The following HIP1 variants were observed in gnomAD, a reference collection of about 807,000 sequenced individuals.
The protein encoded by HIP1 is huntingtin interacting protein 1.
A neutral mutation model predicts 147.6 loss-of-function variants in HIP1; 65 were observed. That is an observed-to-expected ratio of 0.44 (90% CI 0.36 to 0.54). The LOEUF is 0.54. Ranked by LOEUF, HIP1 falls within the 20% of genes least tolerant of loss-of-function variation. HIP1 has a pLI of 0.00. For synonymous variants in HIP1, 479 were observed against 504.0 expected, an observed-to-expected ratio of 0.95 and a Z score of 0.67; for missense variants, 1,061 against 1,299.6, an observed-to-expected ratio of 0.82 and a Z score of 2.82.
chr7:75,687,057 G>T (rs1320407536), intron 1 of HIP1, among the ~76,000 whole-genome samples: 1 of 152,070 alleles, frequency 6.6e-6, no homozygotes, highest in Non-Finnish European at 1.5e-5. Flanking sequence ...TGTGGCAGCA[G>T]GATTTTCTGT....
intron 1 of HIP1, among the ~76,000 whole-genome samples, chr7:75,703,215 G>T (rs1554519344): frequency 6.6e-6 from 1 of 152,144 alleles, no homozygotes; most frequent in African/African-American, 2.4e-5. Context: ...AGACATGGTG[G>T]TGCATGCTTG....
At chr7:75,652,935 C>T (rs782634208) in intron 1 of HIP1, among the ~76,000 whole-genome samples, 1 of 152,130 alleles carries the variant, frequency 6.6e-6, no homozygotes, top group Non-Finnish European at 1.5e-5. Context: ...CAAACAGAAG[C>T]TCCCAGCAAA....
chr7:75,573,253 A>G (rs1168002503), intron 8 of HIP1, among the ~76,000 whole-genome samples: 5 of 152,218 alleles, frequency 3.3e-5, no homozygotes, highest in Non-Finnish European at 5.9e-5. Flanking sequence ...AGACCTGCAG[A>G]GATGCTAGGA....
At position 75,676,505 on chromosome 7, in the gene HIP1, G is replaced by A. The variant is rs879991767; in HGVS notation, c.120+62296C>T. ...ATAGAAGCCCCCTATGGCCTGGCGC[G>A]GTGGCTCATGCCTGTAATCCCAGCA... is the stretch of plus-strand genomic sequence containing the variant. On this transcript the variant is annotated intron_variant, in intron 1 of 30. Coordinates refer to ENST00000336926, the MANE Select transcript of HIP1 (RefSeq NM_005338.7). Among the ~76,000 whole-genome samples the A allele has an allele frequency of 3.4e-4, 51 of 151,460 alleles. 1 individual carries two copies. The highest frequency in any genetic ancestry group is 3.3e-3 in the Admixed American group (50 of 15,160).
chr7:75,557,142 G>A lies in HIP1; in HGVS notation c.1582-331C>T, dbSNP rs771588434. 4.6e-5 allele frequency among the ~76,000 whole-genome samples: 7 copies of A among 152,048 alleles called. No homozygotes were observed. The Middle Eastern group carries it at 0.01, about 222-fold the overall frequency. On this transcript the variant is annotated intron_variant, in intron 16 of 30. Coordinates refer to ENST00000336926, the MANE Select transcript of HIP1 (RefSeq NM_005338.7). ...CAACCTCCACCTCCAAGGTTCAAGA[G>A]ATTCTTGTGCCTCAGCCTCCCAAGC...
intron 1 of HIP1, among the ~76,000 whole-genome samples, chr7:75,738,544 G>T (rs543059120): frequency 3.9e-5 from 6 of 152,156 alleles, no homozygotes; most frequent in Admixed American, 2.0e-4. Context: ...GTACCCAGCC[G>T]ATCAGGCTCC....
intron 7 of HIP1, among the ~76,000 whole-genome samples, chr7:75,579,306 G>A (rs1795954946): frequency 6.6e-6 from 1 of 152,066 alleles, no homozygotes; most frequent in African/African-American, 2.4e-5. Flanking sequence ...GTTTCCAGCT[G>A]TTTCTGGTGT....
At chr7:75,636,184 A>C (rs587669895) in intron 1 of HIP1, among the ~76,000 whole-genome samples, 1 of 151,918 alleles carries the variant, frequency 6.6e-6, no homozygotes, top group Non-Finnish European at 1.5e-5. Flanking sequence ...TCTACTAAAA[A>C]TACAAAAATT....
intron 1 of HIP1, among the ~76,000 whole-genome samples, chr7:75,661,572 C>CAA (rs61482074): frequency 5.0e-3 from 233 of 46,698 alleles, no homozygotes; most frequent in African/African-American, 0.017. Flanking sequence ...GACTCCATCT[C>CAA]AAAAAAAAAA....
intron 2 of HIP1, among the ~76,000 whole-genome samples, chr7:75,596,221 G>A (rs2116993044): frequency 8.6e-6 from 1 of 116,496 alleles, no homozygotes; most frequent in African/African-American, 3.7e-5. Context: ...GGGTGACAGT[G>A]CATGACCCTG....
intron 1 of HIP1, among the ~76,000 whole-genome samples, chr7:75,629,376 G>T (rs895037781): frequency 6.6e-6 from 1 of 151,962 alleles, no homozygotes; most frequent in South Asian, 2.1e-4. Flanking sequence ...CATTCCTCTG[G>T]CCCCGCTCCT....
chr7:75,617,397 G>T (rs1437891242), intron 1 of HIP1, among the ~76,000 whole-genome samples: 1 of 150,886 alleles, frequency 6.6e-6, no homozygotes, highest in Non-Finnish European at 1.5e-5. Context: ...TTTATTATTT[G>T]TAGAGGTGAG....
At chr7:75,618,155 C>T (rs1448209598) in intron 1 of HIP1, among the ~76,000 whole-genome samples, 8 of 152,104 alleles carry the variant, frequency 5.3e-5, no homozygotes, top group Admixed American at 3.9e-4. Flanking sequence ...TTCTTTCTTT[C>T]ATTTTTTTTC....
Position 75,648,886 on chromosome 7 carries a change from G to A in HIP1, c.121-49639C>T, listed in dbSNP as rs545408054. ...TTTAGGAGGCCAAGATGGGAGGATCGCTTGAGCTCAGGAGTTTGAGGCCAG... is the reference window on the plus strand; with the variant it reads ...TTTAGGAGGCCAAGATGGGAGGATCACTTGAGCTCAGGAGTTTGAGGCCAG... On this transcript the variant is annotated intron_variant, in intron 1 of 30. Coordinates refer to ENST00000336926, the MANE Select transcript of HIP1 (RefSeq NM_005338.7). Among the ~76,000 whole-genome samples the A allele has an allele frequency of 3.9e-5, 6 of 152,210 alleles. No individual in the cohort carries two copies. The South Asian group carries it at 6.2e-4, about 16-fold the overall frequency.
chr7:75,564,324 C>CCA (rs879990005), intron 9 of HIP1, among the ~76,000 whole-genome samples: 8,492 of 152,148 alleles, frequency 0.056, 329 homozygotes, highest in African/African-American at 0.096. Flanking sequence ...GATGGAGTGT[C>CCA]GCTCTTATTG....
At position 75,608,703 on chromosome 7, in the gene HIP1, T is replaced by G. The variant is rs587644310; in HGVS notation, c.121-9456A>C. Reference sequence around the variant, plus strand: ...TCTGGATGAACTTAAAGCTGTCTCATGAAAGAGAACTCCTCATTATTAGAA... The same window carrying G: ...TCTGGATGAACTTAAAGCTGTCTCAGGAAAGAGAACTCCTCATTATTAGAA... On this transcript the variant is annotated intron_variant, in intron 1 of 30. Transcript: ENST00000336926. Among the ~76,000 whole-genome samples, 21 of 152,294 alleles carry G rather than the reference T, an allele frequency of 1.4e-4. No homozygotes were observed. In the South Asian group the frequency reaches 3.5e-3, roughly 26 times the overall value.
chr7:75,692,413 C>T (rs1800489688), intron 1 of HIP1, among the ~76,000 whole-genome samples: 1 of 132,952 alleles, frequency 7.5e-6, no homozygotes, highest in Non-Finnish European at 1.6e-5. Flanking sequence ...GCACACACTG[C>T]CATACCTGGC....
chr7:75,704,276 G>A (rs1250366080), intron 1 of HIP1, among the ~76,000 whole-genome samples: 1 of 151,732 alleles, frequency 6.6e-6, no homozygotes, highest in Non-Finnish European at 1.5e-5. Context: ...ACAGAGTTTC[G>A]CTCTTGTTGC....
In HIP1 at chr7:75,682,098, T is replaced by A. The variant is rs532844348; in HGVS notation, c.120+56703A>T. 2.2e-5 allele frequency among the ~76,000 whole-genome samples: 3 copies of A among 136,844 alleles called. No homozygotes were observed. The South Asian group carries it at 6.9e-4, about 32-fold the overall frequency. 89.8% of individuals were successfully genotyped at this position (136,844 alleles called of 152,430 possible). ...GGCTGGAGTGCAATGGTACCTGGGA[T>A]TACGGGCACACCACCACACCCAGCT... On this transcript the variant is annotated intron_variant, in intron 1 of 30. Transcript: ENST00000336926.
Sources: gnomAD v4.1 joint callset for allele counts (sites outside exome capture counted in the v4.1 genomes callset) on GRCh38, gnomAD v4.1.1 for gene constraint, MANE v1.5 for transcripts, NCBI Gene and HGNC (gene_info 2026-07-23, HGNC 2026-07-21) for gene names.